SLC25A37: variants seen among roughly 807,000 people sequenced by gnomAD.
SLC25A37 encodes mitoferrin-1.
A neutral mutation model predicts 31.0 loss-of-function variants in SLC25A37; 17 were observed. The observed-to-expected ratio is 0.55, with a 90% CI of 0.38 to 0.82. The LOEUF is 0.82. Among genes scored for constraint, SLC25A37 ranks in the 40% least tolerant of loss-of-function variants. The pLI, the probability that SLC25A37 is intolerant of heterozygous loss-of-function variation, is 0.00. For synonymous variants in SLC25A37, 222 were observed against 193.0 expected, an observed-to-expected ratio of 1.15 and a Z score of -1.24; for missense variants, 404 against 465.8, an observed-to-expected ratio of 0.87 and a Z score of 1.22.
chr8:23,563,051 C>T (rs1471772166), intron 1 of SLC25A37, among the ~76,000 whole-genome samples: 1 of 152,230 alleles, frequency 6.6e-6, no homozygotes, highest in Non-Finnish European at 1.5e-5. Context: ...TTGGTCTGGC[C>T]AACAGCCACT....
chr8:23,555,140 G>A (rs4063941), intron 1 of SLC25A37, among the ~76,000 whole-genome samples: 70,382 of 151,306 alleles, frequency 0.47, 16,705 homozygotes, highest in African/African-American at 0.58. Context: ...CAGACCTTCC[G>A]GCCACAGGTC....
intron 3 of SLC25A37, 113 bp downstream of exon 3, chr8:23,568,491 A>T: frequency 8.7e-7 from 1 of 1,155,040 alleles, no homozygotes; most frequent in Non-Finnish European, 1.3e-6. Flanking sequence ...CCTAGTCTCC[A>T]GTCAGAGCAG....
At chr8:23,530,547 A>C (rs528156041) in intron 1 of SLC25A37, among the ~76,000 whole-genome samples, 1 of 152,196 alleles carries the variant, frequency 6.6e-6, no homozygotes, top group African/African-American at 2.4e-5. Context: ...GCCATCACCC[A>C]TATGTCCCTC....
intron 2 of SLC25A37, 76 bp from the exon 3 acceptor site, chr8:23,568,246 C>A: frequency 6.6e-7 from 1 of 1,522,212 alleles, no homozygotes; most frequent in Non-Finnish European, 9.1e-7. Context: ...TCCTGGGTTC[C>A]GTCTGATTTT....
Position 23,572,091 on chromosome 8 carries a change from T to C in SLC25A37, c.*236T>C. 2.0e-6 allele frequency: 1 copy of C among 490,364 alleles called. No individual in the cohort carries two copies. 30.4% of individuals were successfully genotyped at this position (490,364 alleles called of 1,614,324 possible). A position where few individuals can be genotyped will look rare whatever the true frequency, so the allele number is the denominator to read the frequency against. On this transcript the variant is annotated 3_prime_UTR_variant, in exon 4 of 4. Coordinates refer to ENST00000519973, the MANE Select transcript of SLC25A37 (RefSeq NM_016612.4). ...TTGGGAAGGGGAGCGAGAAATTGCT[T>C]TTTCTCTTCCTCCCTGGGCAGAATG...
At chr8:23,539,643 A>G (rs1801850496) in intron 1 of SLC25A37, among the ~76,000 whole-genome samples, 1 of 152,206 alleles carries the variant, frequency 6.6e-6, no homozygotes, top group African/African-American at 2.4e-5. Flanking sequence ...TCTCTGGGCT[A>G]GTTTTCTCCT....
chr8:23,572,014 C>A lies in SLC25A37; in HGVS notation c.*159C>A. 1.3e-6 allele frequency: 1 copy of A among 791,624 alleles called. No individual in the cohort carries two copies. Among genetic ancestry groups the A allele is most frequent in the Non-Finnish European group, 2.0e-6 (1 of 506,072 alleles). 49.0% of individuals were successfully genotyped at this position (791,624 alleles called of 1,614,324 possible). ...GAGAGGAGGGGACGGCACGGCCGCT[C>A]ACCGGAAGGCTGTGTGCGGGGACAT... On this transcript the variant is annotated 3_prime_UTR_variant, in exon 4 of 4. Transcript: ENST00000519973.
chr8:23,572,203 T>TGAAAAA lies in SLC25A37; in HGVS notation c.*348_*349insGAAAAA, dbSNP rs1802873388. ...GAAAATTTGCAGTGACTGAAAACAGTAAAAAAAAAAAAAAAAAAAAAAAAA... is the reference window on the plus strand; with the variant it reads ...GAAAATTTGCAGTGACTGAAAACAGTGAAAAAAAAAAAAAAAAAAAAAAAAAAAAAA... On this transcript the variant is annotated 3_prime_UTR_variant, in exon 4 of 4. Transcript: ENST00000519973. The TGAAAAA allele has an allele frequency of 1.2e-5, 1 of 85,756 alleles. No individual in the cohort carries two copies. Among genetic ancestry groups the TGAAAAA allele is most frequent in the African/African-American group, 6.5e-5 (1 of 15,276 alleles). The allele number at this position is 85,756 out of a possible 1,614,324, so 5.3% of individuals were successfully genotyped here. A position where few individuals can be genotyped will look rare whatever the true frequency, so the allele number is the denominator to read the frequency against.
At chr8:23,539,918 CTT>C (rs1776207066) in intron 1 of SLC25A37, among the ~76,000 whole-genome samples, 1 of 152,352 alleles carries the variant, frequency 6.6e-6, no homozygotes, top group South Asian at 2.1e-4. Flanking sequence ...GGGCTAATAA[CTT>C]TACCCATTTC....
At chr8:23,541,091 G>A (rs759034309) in intron 1 of SLC25A37, among the ~76,000 whole-genome samples, 11 of 151,994 alleles carry the variant, frequency 7.2e-5, no homozygotes, top group Non-Finnish European at 1.2e-4. Context: ...CAGGGTGGCT[G>A]TCTGCTGCCG....
intron 1 of SLC25A37, among the ~76,000 whole-genome samples, chr8:23,557,704 G>GCA (rs1454428867): frequency 6.6e-6 from 1 of 152,236 alleles, no homozygotes; most frequent in Non-Finnish European, 1.5e-5. Flanking sequence ...CCAGGGGGCT[G>GCA]CAGGGTGAGG....
chr8:23,538,541 GTGTGTT>G (rs1157418565), intron 1 of SLC25A37, among the ~76,000 whole-genome samples: 2 of 151,050 alleles, frequency 1.3e-5, no homozygotes, highest in African/African-American at 4.9e-5. Flanking sequence ...GTGTGTGTGT[GTGTGTT>G]TGTGTGTGTG....
chr8:23,532,121 A>G (rs975131204), intron 1 of SLC25A37, among the ~76,000 whole-genome samples: 1 of 152,208 alleles, frequency 6.6e-6, no homozygotes, highest in African/African-American at 2.4e-5. Flanking sequence ...CCCAGCAGGC[A>G]ACACTGAGAT....
At chr8:23,553,106 G>T (rs1173633933) in intron 1 of SLC25A37, among the ~76,000 whole-genome samples, 1 of 152,202 alleles carries the variant, frequency 6.6e-6, no homozygotes, top group Non-Finnish European at 1.5e-5. Context: ...ACGCTTCAGT[G>T]AGTGTGTCTA....
rs776323482 is a variant in SLC25A37, at chr8:23,573,366, A to G, written c.*1511A>G. 33 of 155,834 alleles carry G rather than the reference A, an allele frequency of 2.1e-4. No homozygotes were observed. In the East Asian group the frequency reaches 3.0e-3, roughly 14 times the overall value. The allele number at this position is 155,834 out of a possible 1,614,324, so 9.7% of individuals were successfully genotyped here. A position where few individuals can be genotyped will look rare whatever the true frequency, so the allele number is the denominator to read the frequency against. On this transcript the variant is annotated 3_prime_UTR_variant, in exon 4 of 4. Coordinates refer to ENST00000519973, the MANE Select transcript of SLC25A37 (RefSeq NM_016612.4). ...TAGCTGTGCCATTTGGTGCTCTGCC[A>G]GGCTGCCGTGCAAGGGAATACCGAC... is the stretch of plus-strand genomic sequence containing the variant.
intron 1 of SLC25A37, among the ~76,000 whole-genome samples, chr8:23,560,422 A>T (rs1343663675): frequency 6.6e-6 from 1 of 151,450 alleles, no homozygotes; most frequent in Admixed American, 6.6e-5. Context: ...TCTTCCTTAC[A>T]CTCCTTCGAG....
chr8:23,566,498 G>A (rs981653238), intron 2 of SLC25A37, 162 bp downstream of exon 2: 39 of 1,411,794 alleles, frequency 2.8e-5, no homozygotes, highest in East Asian at 1.7e-4. Flanking sequence ...ACACACGCAC[G>A]CACACACACG....
At position 23,568,298 on chromosome 8, in the gene SLC25A37, A is replaced by C. The variant is rs1373043540; in HGVS notation, c.440-24A>C. The C allele has an allele frequency of 1.9e-6, 3 of 1,613,520 alleles. No individual in the cohort carries two copies. In the African/African-American group the frequency reaches 4.0e-5, roughly 22 times the overall value. ...CTGAGAACACCCGATCGCAGAGGGT[A>C]ATTTTCTGGAGTTTGTTTTGCAGGG... On this transcript the variant is annotated intron_variant, in intron 2 of 3. Transcript: ENST00000519973.
intron 1 of SLC25A37, among the ~76,000 whole-genome samples, chr8:23,562,881 A>G (rs77924755): frequency 0.048 from 7,270 of 152,244 alleles, 202 homozygotes; most frequent in South Asian, 0.059. Context: ...ACCACCTGGT[A>G]CCCTTGCTTT....
Sources: gnomAD v4.1 joint callset for allele counts (sites outside exome capture counted in the v4.1 genomes callset) on GRCh38, gnomAD v4.1.1 for gene constraint, MANE v1.5 for transcripts, NCBI Gene and HGNC (gene_info 2026-07-23, HGNC 2026-07-21) for gene names.